Variants in USP50 observed in about 807,000 individuals in gnomAD.
USP50 encodes the protein ubiquitin carboxyl-terminal hydrolase 50.
USP50 carries 37 observed loss-of-function variants against 39.2 expected under a neutral mutation model. The ratio of observed to expected loss-of-function variants is 0.94; its 90% CI spans 0.73 to 1.24. USP50 has a LOEUF of 1.24. Among genes scored for constraint, USP50 ranks in the 50% most tolerant of loss-of-function variants. The probability of loss-of-function intolerance (pLI) is 0.00; values close to 1 mark genes in which losing one functional copy is unlikely to be tolerated. For missense variants in USP50, 374 were observed against 398.2 expected (o/e 0.94, Z 0.52); for synonymous variants, 139 against 144.5 (o/e 0.96, Z 0.27).
downstream of USP50, chr15:50,498,407 C>T: frequency 3.0e-6 from 2 of 665,628 alleles, no homozygotes; most frequent in Non-Finnish European, 2.3e-6. Context: ...ATCCATATGC[C>T]TCAGTTTTCT....
At chr15:50,544,513 G>T in intron 2 of USP50, 74 bp downstream of exon 2, 1 of 1,403,020 alleles carries the variant, frequency 7.1e-7, no homozygotes, top group Non-Finnish European at 9.7e-7. Flanking sequence ...AGGGATTCCA[G>T]AGTTCCTTCT....
chr15:50,537,678 G>A (rs913821847), intron 5 of USP50, among the ~76,000 whole-genome samples: 2 of 150,250 alleles, frequency 1.3e-5, no homozygotes, highest in Non-Finnish European at 1.5e-5. Context: ...GGGCAACATG[G>A]TGAAAACCTG....
At chr15:50,519,520 T>C (rs1329077916) in intron 6 of USP50, among the ~76,000 whole-genome samples, 1 of 151,688 alleles carries the variant, frequency 6.6e-6, no homozygotes, top group Non-Finnish European at 1.5e-5. Context: ...CGAGACCATC[T>C]TGGCTAACCC....
chr15:50,503,893 A>C (rs2052623481), intron 6 of USP50: 1 of 152,220 alleles, frequency 6.6e-6, no homozygotes, highest in African/African-American at 2.4e-5. Context: ...ATAAGATTTA[A>C]ACCCCCAAGG....
rs182097245 is a variant in USP50 at position 50,541,045 on chromosome 15, C to T, written c.660+4G>A. On this transcript the variant is annotated splice_donor_region_variant and intron_variant, in intron 4 of 6. Transcript: ENST00000532404. ...CAAAGTGTCCAGGAATACTGCATTC[C>T]TACCCGAAGGGAGCATTCATATTTG... 194 of 1,611,478 alleles carry T rather than the reference C, an allele frequency of 1.2e-4. No individual in the cohort carries two copies. The East Asian group carries it at 4.3e-3, about 35-fold the overall frequency.
At position 50,541,328 on chromosome 15, in the gene USP50, A is replaced by T. The variant is rs1456606107; in HGVS notation, c.445-64T>A. 2.1e-6 allele frequency: 3 copies of T among 1,421,870 alleles called. No individual in the cohort carries two copies. In the African/African-American group the frequency reaches 4.2e-5, roughly 20 times the overall value. The allele number at this position is 1,421,870 out of a possible 1,614,324, so 88.1% of individuals were successfully genotyped here. On this transcript the variant is annotated intron_variant, in intron 3 of 6. Coordinates refer to ENST00000532404, the MANE Select transcript of USP50 (RefSeq NM_203494.5). ...GTTATTTAAAAAAGACTGTGGCAACATGGTGAGATCCCATCTCTACAAAAA... is the reference window on the plus strand; with the variant it reads ...GTTATTTAAAAAAGACTGTGGCAACTTGGTGAGATCCCATCTCTACAAAAA...
chr15:50,493,127 G>A (rs1264961365), downstream of USP50: 4 of 633,376 alleles, frequency 6.3e-6, no homozygotes, highest in African/African-American at 1.8e-5. Flanking sequence ...ATCCTCACAG[G>A]GTAGAAGGTG....
intron 2 of USP50, chr15:50,544,117 G>C (rs2053052139): frequency 3.2e-6 from 1 of 314,662 alleles, no homozygotes; most frequent in Non-Finnish European, 6.0e-6. Flanking sequence ...GGGAGGGGTG[G>C]ATCACTTGAG....
At chr15:50,544,316 C>G (rs1003817393) in intron 2 of USP50, among the ~76,000 whole-genome samples, 5 of 151,800 alleles carry the variant, frequency 3.3e-5, no homozygotes, top group African/African-American at 1.2e-4. Context: ...GAGCCAAGAT[C>G]GCACCACTGC....
At chr15:50,509,298 CAG>C (rs983762448) in intron 6 of USP50, 1 of 151,960 alleles carries the variant, frequency 6.6e-6, no homozygotes, top group African/African-American at 2.4e-5. Flanking sequence ...GCCTGGGAGA[CAG>C]AGTGAGACCC....
downstream of USP50, among the ~76,000 whole-genome samples, chr15:50,496,639 A>G (rs2052423308): frequency 6.6e-6 from 1 of 152,172 alleles, no homozygotes; most frequent in South Asian, 2.1e-4. Context: ...TATGTTTTTA[A>G]AAAGTTTTAT....
chr15:50,500,551 A>AATG, downstream of USP50: 1 of 477,732 alleles, frequency 2.1e-6, no homozygotes, highest in East Asian at 3.4e-5. Context: ...TAAAAATGTT[A>AATG]ATGATGCAAG....
intron 6 of USP50, among the ~76,000 whole-genome samples, chr15:50,525,931 G>A (rs751737488): frequency 4.6e-5 from 7 of 151,914 alleles, no homozygotes; most frequent in Non-Finnish European, 7.4e-5. Flanking sequence ...ATGCAAAACA[G>A]AAAATGCAAA....
chr15:50,517,760 C>T (rs1240231575), intron 6 of USP50, among the ~76,000 whole-genome samples: 1 of 152,118 alleles, frequency 6.6e-6, no homozygotes, highest in Non-Finnish European at 1.5e-5. Flanking sequence ...TCACTGTCAC[C>T]CAGGCTGGAG....
intron 6 of USP50, among the ~76,000 whole-genome samples, chr15:50,520,625 C>CA (rs200179903): frequency 1.0e-3 from 153 of 150,984 alleles, no homozygotes; most frequent in African/African-American, 3.2e-3. Flanking sequence ...CCGCCCCCGC[C>CA]AAAAAAAAGG....
chr15:50,508,932 A>G (rs1331572951), intron 6 of USP50: 1 of 151,750 alleles, frequency 6.6e-6, no homozygotes, highest in Non-Finnish European at 1.5e-5. Context: ...CAGGAGATTG[A>G]GACCATCCTG....
chr15:50,498,757 T>C (rs2052509486), downstream of USP50: 1 of 1,576,342 alleles, frequency 6.3e-7, no homozygotes, highest in Non-Finnish European at 8.6e-7. Context: ...TGAAGACTTT[T>C]TGTTTCAAAG....
At chr15:50,511,559 T>A (rs2052738947) in intron 6 of USP50, 1 of 152,204 alleles carries the variant, frequency 6.6e-6, no homozygotes, top group African/African-American at 2.4e-5. Flanking sequence ...ATGTGGTATA[T>A]CCTATACAAT....
At chr15:50,531,500 G>A (rs1390025278) in intron 5 of USP50, among the ~76,000 whole-genome samples, 4 of 151,204 alleles carry the variant, frequency 2.6e-5, no homozygotes, top group Non-Finnish European at 5.9e-5. Flanking sequence ...AAATTATAGG[G>A]ACGGAAATCA....
Sources: gnomAD v4.1 joint callset for allele counts (sites outside exome capture counted in the v4.1 genomes callset) on GRCh38, gnomAD v4.1.1 for gene constraint, MANE v1.5 for transcripts, NCBI Gene and HGNC (gene_info 2026-07-23, HGNC 2026-07-21) for gene names.